Variants in ZNF804A observed in about 807,000 individuals in gnomAD.
The protein encoded by ZNF804A is zinc finger protein 804A.
Under a neutral mutation model 16.5 loss-of-function variants are expected in ZNF804A, and 2 were observed. The observed-to-expected ratio is 0.12, with a 90% CI of 0.05 to 0.38. ZNF804A has a LOEUF of 0.38. ZNF804A is among the 10% of genes least tolerant of loss of function. The pLI, the probability that ZNF804A is intolerant of heterozygous loss-of-function variation, is 0.99. For missense variants in ZNF804A, 1,473 were observed against 1,390.7 expected (o/e 1.06, Z -0.94); for synonymous variants, 534 against 489.6 (o/e 1.09, Z -1.20).
At chr2:184,812,382 C>G (rs576124470) in intron 1 of ZNF804A, among the ~76,000 whole-genome samples, 1 of 152,196 alleles carries the variant, frequency 6.6e-6, no homozygotes, top group Admixed American at 6.5e-5. Context: ...AAAACAATTC[C>G]TTACAGTTTC....
chr2:184,699,579 A>C (rs940659492), intron 1 of ZNF804A, among the ~76,000 whole-genome samples: 2 of 152,136 alleles, frequency 1.3e-5, no homozygotes, highest in Non-Finnish European at 2.9e-5. Flanking sequence ...ACTCTGTGTG[A>C]CACTGACTGG....
At position 184,939,289 on chromosome 2, in the gene ZNF804A, T is replaced by C. The variant is rs1320240430; in HGVS notation, c.*263T>C. ...ATTAAAATGATGTCTTAAGAGTATG[T>C]ATAATGTACATAAAATATATTTATA... On this transcript the variant is annotated 3_prime_UTR_variant, in exon 4 of 4. Transcript: ENST00000302277. The C allele has an allele frequency of 3.2e-6, 1 of 314,254 alleles. No homozygotes were observed. Among genetic ancestry groups the C allele is most frequent in the Non-Finnish European group, 5.8e-6 (1 of 171,178 alleles). 19.5% of individuals were successfully genotyped at this position (314,254 alleles called of 1,614,324 possible).
At chr2:184,686,243 T>C (rs2105722325) in intron 1 of ZNF804A, among the ~76,000 whole-genome samples, 2 of 152,304 alleles carry the variant, frequency 1.3e-5, no homozygotes, top group East Asian at 1.9e-4. Flanking sequence ...CTGGGGCTCC[T>C]GCCCCACCAA....
chr2:184,763,800 G>A (rs1168662711), intron 1 of ZNF804A, among the ~76,000 whole-genome samples: 1 of 151,280 alleles, frequency 6.6e-6, no homozygotes, highest in African/African-American at 2.4e-5. Flanking sequence ...CTGCCACCAC[G>A]CCCGGCTAAT....
chr2:184,784,973 G>C (rs1371099967), intron 1 of ZNF804A, among the ~76,000 whole-genome samples: 1 of 151,876 alleles, frequency 6.6e-6, no homozygotes, highest in African/African-American at 2.4e-5. Flanking sequence ...CCTACCTATT[G>C]ATCCCCTTCG....
intron 1 of ZNF804A, among the ~76,000 whole-genome samples, chr2:184,830,115 CACA>C (rs1558975113): frequency 9.5e-5 from 9 of 94,476 alleles, no homozygotes; most frequent in Non-Finnish European, 2.0e-4. Flanking sequence ...CCCACCCACA[CACA>C]CACACACACA....
At chr2:184,793,099 G>A (rs1375046296) in intron 1 of ZNF804A, among the ~76,000 whole-genome samples, 1 of 152,100 alleles carries the variant, frequency 6.6e-6, no homozygotes, top group African/African-American at 2.4e-5. Context: ...CAAAGATCAT[G>A]ATTCCCTTCT....
At chr2:184,699,962 T>C (rs2105730503) in intron 1 of ZNF804A, among the ~76,000 whole-genome samples, 1 of 152,192 alleles carries the variant, frequency 6.6e-6, no homozygotes, top group Admixed American at 6.5e-5. Flanking sequence ...TGTTAAAAAC[T>C]ATACTACCCT....
chr2:184,732,252 A>T (rs999882805), intron 1 of ZNF804A, among the ~76,000 whole-genome samples: 19 of 149,144 alleles, frequency 1.3e-4, no homozygotes, highest in African/African-American at 9.9e-5. Flanking sequence ...GTTTAAACTC[A>T]TTTTTTTTTT....
chr2:184,928,255 G>C (rs998743847), intron 2 of ZNF804A, among the ~76,000 whole-genome samples: 2 of 152,122 alleles, frequency 1.3e-5, no homozygotes, highest in African/African-American at 2.4e-5. Context: ...CTAGCCCAGC[G>C]TGTGTTTAGA....
At chr2:184,698,254 C>T (rs1559129192) in intron 1 of ZNF804A, among the ~76,000 whole-genome samples, 1 of 151,982 alleles carries the variant, frequency 6.6e-6, no homozygotes, top group Admixed American at 6.6e-5. Context: ...AAGGGTTCAA[C>T]CATTATAAAA....
chr2:184,685,680 A>G (rs1692616377), intron 1 of ZNF804A, among the ~76,000 whole-genome samples: 1 of 152,086 alleles, frequency 6.6e-6, no homozygotes, highest in Non-Finnish European at 1.5e-5. Context: ...ATGCTGGTCA[A>G]TCCACGGGTG....
chr2:184,648,552 C>A (rs775508677), intron 1 of ZNF804A, among the ~76,000 whole-genome samples: 1 of 152,092 alleles, frequency 6.6e-6, no homozygotes, highest in Non-Finnish European at 1.5e-5. Flanking sequence ...TAACACCTCA[C>A]ATGTGTTGAA....
At chr2:184,866,654 A>G (rs1223051323) in intron 2 of ZNF804A, 142 bp downstream of exon 2, 11 of 706,504 alleles carry the variant, frequency 1.6e-5, no homozygotes, top group Non-Finnish European at 2.0e-5. Context: ...CTGGGATGAT[A>G]ATTTGATGAC....
chr2:184,611,282 T>G (rs722384), intron 1 of ZNF804A, among the ~76,000 whole-genome samples: 11,472 of 152,198 alleles, frequency 0.075, 622 homozygotes, highest in East Asian at 0.24. Context: ...ATACTTTTTT[T>G]GGGGGAGGGC....
At chr2:184,772,925 C>A (rs7424781) in intron 1 of ZNF804A, among the ~76,000 whole-genome samples, 189 of 132,966 alleles carry the variant, frequency 1.4e-3, no homozygotes, top group African/African-American at 4.4e-3. Context: ...CACACACACC[C>A]CACACACATA....
intron 2 of ZNF804A, among the ~76,000 whole-genome samples, chr2:184,929,039 C>CT (rs922683832): frequency 1.3e-5 from 2 of 152,042 alleles, no homozygotes; most frequent in Non-Finnish European, 2.9e-5. Flanking sequence ...ATGAAGGTGC[C>CT]TTTTTTGTGT....
rs528869980 is a variant in ZNF804A, at chr2:184,706,712, T to C, written c.111+107642T>C. On this transcript the variant is annotated intron_variant, in intron 1 of 3. Coordinates refer to ENST00000302277, the MANE Select transcript of ZNF804A (RefSeq NM_194250.2). ...TGGTTTAGGACTACATATTAGACCATACAGCTGTAATAGTTTTGATTGCAC... is the reference window on the plus strand; with the variant it reads ...TGGTTTAGGACTACATATTAGACCACACAGCTGTAATAGTTTTGATTGCAC... 1.7e-4 allele frequency among the ~76,000 whole-genome samples: 26 copies of C among 152,240 alleles called. 1 individual carries two copies. The highest frequency in any genetic ancestry group is 4.8e-4 in the African/African-American group (20 of 41,544).
chr2:184,632,525 A>G (rs555948060), intron 1 of ZNF804A, among the ~76,000 whole-genome samples: 21 of 152,262 alleles, frequency 1.4e-4, no homozygotes, highest in African/African-American at 4.8e-4. Flanking sequence ...CCTCCTGAGT[A>G]TCTGGGATTA....
Sources: gnomAD v4.1 joint callset for allele counts (sites outside exome capture counted in the v4.1 genomes callset) on GRCh38, gnomAD v4.1.1 for gene constraint, MANE v1.5 for transcripts, NCBI Gene and HGNC (gene_info 2026-07-23, HGNC 2026-07-21) for gene names.